The following MAP3K5 variants were observed in gnomAD, a reference collection of about 807,000 sequenced individuals.
The protein encoded by MAP3K5 is ASK-1.
In MAP3K5, 56 loss-of-function variants were observed where a neutral mutation model predicts 158.7. The ratio of observed to expected loss-of-function variants is 0.35; its 90% CI spans 0.28 to 0.44. The LOEUF is 0.44. Ranked by LOEUF, MAP3K5 falls within the 20% of genes least tolerant of loss-of-function variation. MAP3K5 has a pLI of 1.00. For missense variants in MAP3K5, 1,294 were observed against 1,674.8 expected (o/e 0.77, Z 3.97); for synonymous variants, 579 against 601.7 (o/e 0.96, Z 0.55).
chr6:136,785,830 C>T lies in MAP3K5; in HGVS notation c.448+5880G>A, dbSNP rs528287344. On this transcript the variant is annotated intron_variant, in intron 1 of 29. Transcript: ENST00000359015. ...GTCACTGCTCTAATACAAGAAAAGT[C>T]CCGGTTTTAGGTTTCAGAAACAGAA... Among the ~76,000 whole-genome samples, 6 of 152,208 alleles carry T rather than the reference C, an allele frequency of 3.9e-5. No homozygotes were observed. The South Asian group carries it at 8.3e-4, about 21-fold the overall frequency.
At chr6:136,733,949 A>G (rs746559706) in intron 1 of MAP3K5, among the ~76,000 whole-genome samples, 26 of 152,148 alleles carry the variant, frequency 1.7e-4, no homozygotes, top group Admixed American at 5.9e-4. Flanking sequence ...CACCCTAAAA[A>G]TCCTCTGCCC....
chr6:136,574,641 ACT>A (rs1562516364), intron 25 of MAP3K5, among the ~76,000 whole-genome samples: 4 of 140,402 alleles, frequency 2.8e-5, no homozygotes, highest in East Asian at 2.1e-4. Flanking sequence ...CTTGTACTGT[ACT>A]CTCTGTTCTG....
intron 7 of MAP3K5, among the ~76,000 whole-genome samples, chr6:136,684,691 T>C (rs1780073298): frequency 6.6e-6 from 1 of 152,188 alleles, no homozygotes; most frequent in Non-Finnish European, 1.5e-5. Flanking sequence ...GCTGTCATCT[T>C]GCTCCTTCTC....
At chr6:136,738,227 T>C (rs530433326) in intron 1 of MAP3K5, among the ~76,000 whole-genome samples, 28 of 152,324 alleles carry the variant, frequency 1.8e-4, no homozygotes, top group African/African-American at 6.0e-4. Flanking sequence ...CATTCTACCA[T>C]GCCCGACTAA....
At chr6:136,763,520 G>A (rs1385622627) in intron 1 of MAP3K5, among the ~76,000 whole-genome samples, 2 of 152,082 alleles carry the variant, frequency 1.3e-5, no homozygotes, top group African/African-American at 4.8e-5. Context: ...TATAGAAACT[G>A]AAAATTTACA....
chr6:136,559,167 G>C (rs1231097627), intron 28 of MAP3K5, among the ~76,000 whole-genome samples: 2 of 151,990 alleles, frequency 1.3e-5, no homozygotes, highest in Non-Finnish European at 2.9e-5. Flanking sequence ...CCTGGCCAAA[G>C]TGGTGAAACC....
intron 1 of MAP3K5, among the ~76,000 whole-genome samples, chr6:136,789,549 AC>A (rs1314146068): frequency 6.6e-6 from 1 of 151,970 alleles, no homozygotes; most frequent in African/African-American, 2.4e-5. Flanking sequence ...ACTATTCCAT[AC>A]ACACCTAAAT....
At chr6:136,744,917 C>G (rs1275236596) in intron 1 of MAP3K5, among the ~76,000 whole-genome samples, 2 of 152,186 alleles carry the variant, frequency 1.3e-5, no homozygotes, top group African/African-American at 4.8e-5. Context: ...GATTTAAAGA[C>G]ACTCATCCAT....
At chr6:136,589,539 A>G (rs998559992) in intron 23 of MAP3K5, among the ~76,000 whole-genome samples, 1 of 152,154 alleles carries the variant, frequency 6.6e-6, no homozygotes, top group African/African-American at 2.4e-5. Flanking sequence ...TTTCCCAGGT[A>G]TTATGGTTCT....
In MAP3K5 at chr6:136,592,455, A is replaced by G. The variant is rs142653089; in HGVS notation, c.3038T>C (p.Ile1013Thr). 18 of 1,613,892 alleles carry G rather than the reference A, an allele frequency of 1.1e-5. No individual in the cohort carries two copies. Among genetic ancestry groups the G allele is most frequent in the Non-Finnish European group, 1.4e-5 (17 of 1,179,994 alleles). Residue 1013 changes from isoleucine to threonine, a missense_variant, in exon 22 of 30, where the codon ATT becomes ACT. By Grantham distance (89) the Ile-to-Thr change is moderately conservative. Coordinates refer to ENST00000359015, the MANE Select transcript of MAP3K5 (RefSeq NM_005923.4). ...KSCGERDVKGIRTLFLGIPDE... is the reference protein window; with the variant it reads ...KSCGERDVKGTRTLFLGIPDE... ...TCTTTACCCCAAAAAGAGTGTCCGA[A>G]TTCCCTTGACATCTCTTTCTCCGCA...
At chr6:136,597,876 C>T (rs964403913) in intron 21 of MAP3K5, among the ~76,000 whole-genome samples, 1 of 152,218 alleles carries the variant, frequency 6.6e-6, no homozygotes, top group Non-Finnish European at 1.5e-5. Flanking sequence ...TTAACACTGA[C>T]ATTTAAATAA....
At chr6:136,757,584 T>A (rs892832488) in intron 1 of MAP3K5, among the ~76,000 whole-genome samples, 3 of 138,784 alleles carry the variant, frequency 2.2e-5, no homozygotes, top group African/African-American at 5.3e-5. Context: ...TATTTATTTT[T>A]TATTTTTTTT....
intron 28 of MAP3K5, among the ~76,000 whole-genome samples, chr6:136,560,583 T>C (rs148628886): frequency 6.6e-6 from 1 of 152,190 alleles, no homozygotes; most frequent in African/African-American, 2.4e-5. Context: ...GTCGACCAGA[T>C]TGATTTTATT....
At chr6:136,744,358 C>T (rs888941202) in intron 1 of MAP3K5, among the ~76,000 whole-genome samples, 6 of 150,810 alleles carry the variant, frequency 4.0e-5, no homozygotes, top group African/African-American at 9.9e-5. Flanking sequence ...TATATATACA[C>T]GTGTGTGTAC....
At position 136,568,248 on chromosome 6, in the gene MAP3K5, T is replaced by G. The variant is rs1583194515; in HGVS notation, c.3518-374A>C. Among the ~76,000 whole-genome samples the G allele has an allele frequency of 2.0e-5, 3 of 152,366 alleles. No homozygotes were observed. In the East Asian group the frequency reaches 5.8e-4, roughly 29 times the overall value. ...GTGTTTATACAAGTAAAGTTCATTT[T>G]CAGATTACATAATATCTGACAACTA... On this transcript the variant is annotated intron_variant, in intron 25 of 29. Transcript: ENST00000359015.
intron 1 of MAP3K5, among the ~76,000 whole-genome samples, chr6:136,755,198 A>G (rs2114940268): frequency 6.6e-6 from 1 of 152,146 alleles, no homozygotes; most frequent in East Asian, 1.9e-4. Context: ...TTAGTCTCTA[A>G]TGCCCTGCTT....
chr6:136,572,825 A>G (rs1774430896), intron 25 of MAP3K5, among the ~76,000 whole-genome samples: 1 of 152,250 alleles, frequency 6.6e-6, no homozygotes, highest in Non-Finnish European at 1.5e-5. Context: ...TGCAAATGAC[A>G]CAGAACATCT....
rs1428358797 is a variant in MAP3K5 at position 136,583,643 on chromosome 6, G to A, written c.3323C>T (p.Thr1108Ile). 1.2e-6 allele frequency: 2 copies of A among 1,614,116 alleles called. No homozygotes were observed. The highest frequency in any genetic ancestry group is 1.7e-6 in the Non-Finnish European group (2 of 1,180,052). Residue 1108 changes from threonine (T) to isoleucine (I), a missense_variant, in exon 24 of 30, where the codon ACC (threonine) becomes ATC (isoleucine). By Grantham distance (89) the Thr-to-Ile change is moderately conservative. Coordinates refer to ENST00000359015, the MANE Select transcript of MAP3K5 (RefSeq NM_005923.4). ...VRSTDRKIIA[T>I]TLSKLKLELD... ...CTCCAGTTTCAGCTTTGACAGTGTGGTGGCTATGATTTTTCGGTCAGTGGA... is the reference window on the plus strand; with the variant it reads ...CTCCAGTTTCAGCTTTGACAGTGTGATGGCTATGATTTTTCGGTCAGTGGA...
intron 25 of MAP3K5, among the ~76,000 whole-genome samples, chr6:136,573,037 T>C (rs1025215144): frequency 1.3e-5 from 2 of 152,236 alleles, no homozygotes; most frequent in African/African-American, 2.4e-5. Flanking sequence ...ATATGTCAAC[T>C]TGACTGGGCT....
Sources: allele counts gnomAD v4.1 joint callset (sites outside exome capture counted in the v4.1 genomes callset), GRCh38; gene constraint gnomAD v4.1.1; transcripts MANE v1.5; gene names NCBI Gene and HGNC (gene_info 2026-07-23, HGNC 2026-07-21).